CERS6: variants seen among roughly 807,000 people sequenced by gnomAD.
CERS6 encodes the protein LAG1 homolog, ceramide synthase 6.
CERS6 carries 26 observed loss-of-function variants against 56.8 expected under a neutral mutation model. That is an observed-to-expected ratio of 0.46 (90% CI 0.34 to 0.63). The LOEUF (loss-of-function observed/expected upper bound fraction) is 0.63, where lower values mean the gene tolerates loss of function less well. Ranked by LOEUF, CERS6 falls within the 30% of genes least tolerant of loss-of-function variation. The probability of loss-of-function intolerance (pLI) is 0.01; values close to 1 mark genes in which losing one functional copy is unlikely to be tolerated. For missense variants in CERS6, 415 were observed against 467.5 expected, an observed-to-expected ratio of 0.89 and a Z score of 1.04; for synonymous variants, 164 against 173.3, an observed-to-expected ratio of 0.95 and a Z score of 0.42.
At chr2:168,590,596 A>G (rs964337548) in intron 3 of CERS6, among the ~76,000 whole-genome samples, 9 of 152,232 alleles carry the variant, frequency 5.9e-5, no homozygotes, top group Non-Finnish European at 1.2e-4. Flanking sequence ...CTATTTTAGT[A>G]TAATTAGTGA....
chr2:168,656,360 C>A (rs568084129), intron 4 of CERS6, among the ~76,000 whole-genome samples: 1 of 152,156 alleles, frequency 6.6e-6, no homozygotes, highest in Non-Finnish European at 1.5e-5. Context: ...TTGGTGGGTT[C>A]TTGGTCTCAC....
At position 168,456,664 on chromosome 2, in the gene CERS6, ACGCGCGCACACACT is replaced by A; in HGVS notation, c.170+54_170+67del. On this transcript the variant is annotated intron_variant, in intron 1 of 9. Coordinates refer to ENST00000305747, the MANE Select transcript of CERS6 (RefSeq NM_203463.3). The surrounding 1 kb of genome is among the most constrained non-coding windows in gnomAD (Gnocchi z 4.1). ...TCCTCCCCTCCCCCTGCGCACACAC[ACGCGCGCACACACT>A]CGCGCGCTCTCTGGCGCACGCCCCC... 6.4e-7 allele frequency: 1 copy of A among 1,560,240 alleles called. No individual in the cohort carries two copies. The highest frequency in any genetic ancestry group is 2.3e-5 in the East Asian group (1 of 42,698).
chr2:168,481,653 C>T (rs1694180487), intron 1 of CERS6, among the ~76,000 whole-genome samples: 2 of 152,174 alleles, frequency 1.3e-5, no homozygotes, highest in African/African-American at 4.8e-5. Context: ...TAAAGCTCTT[C>T]AATGCCCAAT....
chr2:168,531,650 C>T (rs1176003114), intron 1 of CERS6, among the ~76,000 whole-genome samples: 2 of 151,948 alleles, frequency 1.3e-5, no homozygotes, highest in African/African-American at 2.4e-5. Flanking sequence ...GGTGAAACCC[C>T]GTCTCTACTA....
chr2:168,703,816 A>G (rs1450569573), intron 6 of CERS6, among the ~76,000 whole-genome samples: 4 of 152,118 alleles, frequency 2.6e-5, no homozygotes, highest in Non-Finnish European at 5.9e-5. Context: ...TGGAATTGCA[A>G]TATTCTGCCC....
At chr2:168,581,790 G>A (rs1248287493) in intron 3 of CERS6, among the ~76,000 whole-genome samples, 1 of 152,160 alleles carries the variant, frequency 6.6e-6, no homozygotes, top group African/African-American at 2.4e-5. Flanking sequence ...CTGATTCATG[G>A]AACCTGTTTT....
At chr2:168,665,990 G>A (rs1036673834) in intron 4 of CERS6, among the ~76,000 whole-genome samples, 57 of 140,712 alleles carry the variant, frequency 4.1e-4, no homozygotes, top group African/African-American at 1.1e-3. Flanking sequence ...GTGTGTGTGT[G>A]TAGTTTTAGG....
intron 6 of CERS6, among the ~76,000 whole-genome samples, chr2:168,704,695 C>T (rs1234208625): frequency 1.3e-5 from 2 of 152,160 alleles, no homozygotes; most frequent in African/African-American, 4.8e-5. Flanking sequence ...CAACCTCCAC[C>T]TCCCGGGTTC....
At chr2:168,467,038 G>A (rs1288743330) in intron 1 of CERS6, among the ~76,000 whole-genome samples, 1 of 152,014 alleles carries the variant, frequency 6.6e-6, no homozygotes, top group East Asian at 1.9e-4. Flanking sequence ...TCCTTTCCTC[G>A]ATTCCTCCCC....
rs545989212 is a variant in CERS6, at chr2:168,699,178, G to C, written c.609+4127G>C. On this transcript the variant is annotated intron_variant, in intron 6 of 9. Coordinates refer to ENST00000305747, the MANE Select transcript of CERS6 (RefSeq NM_203463.3). The stretch of plus-strand genomic sequence containing the variant: ...TCCGCCTCCATTTGGAGGACCTGCT[G>C]TTCTAGCCATTAGTGAGGATTTATG... 9.9e-5 allele frequency among the ~76,000 whole-genome samples: 15 copies of C among 152,252 alleles called. 1 individual carries two copies. The highest frequency in any genetic ancestry group is 5.9e-4 in the Admixed American group (9 of 15,286).
chr2:168,703,806 T>C (rs1408335735), intron 6 of CERS6, among the ~76,000 whole-genome samples: 2 of 152,178 alleles, frequency 1.3e-5, no homozygotes, highest in Non-Finnish European at 2.9e-5. Flanking sequence ...TTCTCATGAT[T>C]GGAATTGCAA....
At chr2:168,718,852 T>C (rs1687292026) in intron 8 of CERS6, among the ~76,000 whole-genome samples, 5 of 152,196 alleles carry the variant, frequency 3.3e-5, no homozygotes, top group Admixed American at 3.3e-4. Flanking sequence ...CTTAAGGAAT[T>C]CAGGATTTAC....
intron 6 of CERS6, among the ~76,000 whole-genome samples, chr2:168,697,499 T>G (rs866519375): frequency 6.6e-6 from 1 of 152,124 alleles, no homozygotes; most frequent in African/African-American, 2.4e-5. Flanking sequence ...AGGAGACCTT[T>G]TGTCCAGGTA....
intron 4 of CERS6, among the ~76,000 whole-genome samples, chr2:168,654,251 T>C (rs970170482): frequency 6.6e-6 from 1 of 152,176 alleles, no homozygotes; most frequent in Non-Finnish European, 1.5e-5. Flanking sequence ...TATATTTTTT[T>C]AAAATGTGTG....
chr2:168,565,854 A>G (rs1695874600), intron 3 of CERS6, among the ~76,000 whole-genome samples: 2 of 152,236 alleles, frequency 1.3e-5, no homozygotes, highest in Admixed American at 1.3e-4. Flanking sequence ...AGAATGAAGA[A>G]TTTATAAAAA....
intron 8 of CERS6, among the ~76,000 whole-genome samples, chr2:168,728,358 C>T (rs1281634224): frequency 6.9e-6 from 1 of 143,994 alleles, no homozygotes; most frequent in African/African-American, 2.6e-5. Context: ...CTGTTGTCCA[C>T]GTTAGGGGAA....
chr2:168,516,646 G>A (rs1374811612), intron 1 of CERS6, among the ~76,000 whole-genome samples: 1 of 152,158 alleles, frequency 6.6e-6, no homozygotes, highest in Admixed American at 6.5e-5. Context: ...TGGCGGAGCG[G>A]CTAGCCCAGA....
intron 1 of CERS6, among the ~76,000 whole-genome samples, chr2:168,490,450 A>C (rs1242246532): frequency 6.6e-6 from 1 of 152,150 alleles, no homozygotes; most frequent in African/African-American, 2.4e-5. Context: ...AGAAAAAACA[A>C]AACCAAACAA....
At chr2:168,592,144 G>C (rs1292087776) in intron 3 of CERS6, among the ~76,000 whole-genome samples, 1 of 152,202 alleles carries the variant, frequency 6.6e-6, no homozygotes, top group Non-Finnish European at 1.5e-5. Context: ...ACATGTACTT[G>C]ACTTACCAAA....
Sources: gnomAD v4.1 joint callset for allele counts (sites outside exome capture counted in the v4.1 genomes callset) on GRCh38, gnomAD v4.1.1 for gene constraint, Gnocchi (gnomAD v3.1) non-coding constraint, MANE v1.5 for transcripts, NCBI Gene and HGNC (gene_info 2026-07-23, HGNC 2026-07-21) for gene names.